Variants in XKR9 observed in about 807,000 individuals in gnomAD.
XKR9 encodes XK-related protein 9.
A neutral mutation model predicts 32.0 loss-of-function variants in XKR9; 32 were observed. The observed-to-expected ratio is 1.00, with a 90% CI of 0.76 to 1.34. The LOEUF is 1.34. Ranked by LOEUF, XKR9 falls within the 40% of genes most tolerant of loss-of-function variation. The probability of loss-of-function intolerance (pLI) is 0.00; values close to 1 mark genes in which losing one functional copy is unlikely to be tolerated. For missense variants in XKR9, 546 were observed against 429.7 expected (o/e 1.27, Z -2.39); for synonymous variants, 168 against 143.4 (o/e 1.17, Z -1.22).
downstream of XKR9, among the ~76,000 whole-genome samples, chr8:70,740,625 G>T (rs1478004447): frequency 6.6e-6 from 1 of 151,976 alleles, no homozygotes; most frequent in Non-Finnish European, 1.5e-5. Flanking sequence ...TGATGATGGT[G>T]ATGTACAGAT....
chr8:70,778,740 GTC>G (rs1023840543), intron 2 of XKR9, among the ~76,000 whole-genome samples: 2 of 151,778 alleles, frequency 1.3e-5, no homozygotes, highest in Admixed American at 6.6e-5. Context: ...CATGATTTGG[GTC>G]TCTGTTTGTC....
At chr8:71,021,641 T>C in the XKR9 span, among the ~76,000 whole-genome samples, 2 of 151,924 alleles carry the variant, frequency 1.3e-5, no homozygotes, top group Non-Finnish European at 2.9e-5. Flanking sequence ...TAGCTGGGAC[T>C]ACAGGCACGC....
At chr8:70,979,946 C>T in the XKR9 span, among the ~76,000 whole-genome samples, 13 of 152,226 alleles carry the variant, frequency 8.5e-5, no homozygotes, top group Non-Finnish European at 1.5e-4. Flanking sequence ...CTTTGTTTAC[C>T]TACTGTAGCC....
At chr8:70,807,789 C>A in the XKR9 span, among the ~76,000 whole-genome samples, 29 of 152,284 alleles carry the variant, frequency 1.9e-4, no homozygotes, top group African/African-American at 6.7e-4. Flanking sequence ...TACAAGGAGA[C>A]CTAGACTCCC....
intron 2 of XKR9, among the ~76,000 whole-genome samples, chr8:70,769,590 T>C (rs1376175344): frequency 1.3e-5 from 2 of 152,152 alleles, no homozygotes; most frequent in Non-Finnish European, 2.9e-5. Context: ...ATTGTACGTT[T>C]GGTTTTTTCA....
At chr8:70,676,235 C>T (rs1176412313) in intron 2 of XKR9, among the ~76,000 whole-genome samples, 2 of 152,122 alleles carry the variant, frequency 1.3e-5, no homozygotes, top group African/African-American at 4.8e-5. Flanking sequence ...CACTCACTAT[C>T]GTGAGGACAG....
intron 2 of XKR9, among the ~76,000 whole-genome samples, chr8:70,751,371 T>G (rs2130184660): frequency 6.6e-6 from 1 of 152,214 alleles, no homozygotes; most frequent in East Asian, 1.9e-4. Flanking sequence ...TCAAGTGATC[T>G]ACCTGACTCA....
At chr8:70,780,662 C>A (rs754297195) in intron 2 of XKR9, among the ~76,000 whole-genome samples, 1 of 152,074 alleles carries the variant, frequency 6.6e-6, no homozygotes, top group Non-Finnish European at 1.5e-5. Flanking sequence ...GGGCTTCTAG[C>A]CTCCAGAACT....
chr8:70,870,986 G>T, the XKR9 span, among the ~76,000 whole-genome samples: 1 of 152,126 alleles, frequency 6.6e-6, no homozygotes, highest in African/African-American at 2.4e-5. Flanking sequence ...CACAAGTGGG[G>T]ACTATTTGTA....
chr8:71,022,766 G>T, the XKR9 span, among the ~76,000 whole-genome samples: 2 of 152,132 alleles, frequency 1.3e-5, no homozygotes, highest in African/African-American at 4.8e-5. Flanking sequence ...ATGCTTTATA[G>T]TGTCCCATAC....
At chr8:71,002,098 T>A in the XKR9 span, among the ~76,000 whole-genome samples, 1 of 152,142 alleles carries the variant, frequency 6.6e-6, no homozygotes, top group Non-Finnish European at 1.5e-5. Flanking sequence ...AGTCTTTAAT[T>A]GAATACTGGC....
intron 4 of XKR9, among the ~76,000 whole-genome samples, chr8:70,717,077 G>A (rs1487264617): frequency 6.6e-6 from 1 of 152,250 alleles, no homozygotes; most frequent in Admixed American, 6.5e-5. Context: ...GCTGATGCAA[G>A]AGGTGGACTC....
chr8:70,754,305 G>T (rs1807186162), intron 2 of XKR9, among the ~76,000 whole-genome samples: 1 of 145,276 alleles, frequency 6.9e-6, no homozygotes, highest in Non-Finnish European at 1.5e-5. Flanking sequence ...CTTATGGATA[G>T]GAAGAATCAA....
chr8:70,831,290 CAAA>C, the XKR9 span, among the ~76,000 whole-genome samples: 40 of 104,382 alleles, frequency 3.8e-4, no homozygotes, highest in African/African-American at 7.3e-4. Context: ...GACTCTGTCT[CAAA>C]AAAAAAAAAA....
At chr8:71,064,362 T>G in the XKR9 span, among the ~76,000 whole-genome samples, 3 of 152,198 alleles carry the variant, frequency 2.0e-5, no homozygotes, top group Non-Finnish European at 4.4e-5. Context: ...AAAGTTTTTT[T>G]AACTTTAAGT....
the XKR9 span, among the ~76,000 whole-genome samples, chr8:70,915,279 C>T: frequency 6.6e-6 from 1 of 152,034 alleles, no homozygotes; most frequent in Non-Finnish European, 1.5e-5. Context: ...CGCATGACTC[C>T]AGGGCCATAA....
At chr8:70,806,650 G>A in the XKR9 span, among the ~76,000 whole-genome samples, 1 of 152,060 alleles carries the variant, frequency 6.6e-6, no homozygotes, top group Non-Finnish European at 1.5e-5. Context: ...AATTGACTGA[G>A]CAGAAGAAAG....
At chr8:71,009,446 G>A in the XKR9 span, among the ~76,000 whole-genome samples, 2 of 152,148 alleles carry the variant, frequency 1.3e-5, no homozygotes, top group South Asian at 4.1e-4. Flanking sequence ...GGACACTACT[G>A]GTCTACAGTG....
intron 2 of XKR9, among the ~76,000 whole-genome samples, chr8:70,757,611 G>C (rs1807246693): frequency 6.6e-6 from 1 of 151,868 alleles, no homozygotes; most frequent in African/African-American, 2.4e-5. Flanking sequence ...ATTTATGACA[G>C]AGTCTTGCTC....
Sources: gnomAD v4.1 joint callset for allele counts (sites outside exome capture counted in the v4.1 genomes callset) on GRCh38, gnomAD v4.1.1 for gene constraint, MANE v1.5 for transcripts, NCBI Gene and HGNC (gene_info 2026-07-23, HGNC 2026-07-21) for gene names.